SH3GL2: variants seen among roughly 807,000 people sequenced by gnomAD.
The protein encoded by SH3GL2 is endophilin-A1.
In SH3GL2, 24 loss-of-function variants were observed where a neutral mutation model predicts 46.0. The observed-to-expected ratio is 0.52, with a 90% CI of 0.38 to 0.73. The LOEUF is 0.73. Among genes scored for constraint, SH3GL2 ranks in the 30% least tolerant of loss-of-function variants. The pLI is 0.00. For synonymous variants in SH3GL2, 196 were observed against 147.1 expected (o/e 1.33, Z -2.40); for missense variants, 413 against 424.2 (o/e 0.97, Z 0.23).
At chr9:17,668,613 C>T (rs1056468297) in intron 1 of SH3GL2, among the ~76,000 whole-genome samples, 2 of 152,080 alleles carry the variant, frequency 1.3e-5, no homozygotes, top group Non-Finnish European at 2.9e-5. Flanking sequence ...CCTTATAATT[C>T]TGTCATTTTC....
chr9:17,729,111 A>G (rs540931084), intron 1 of SH3GL2, among the ~76,000 whole-genome samples: 5 of 152,294 alleles, frequency 3.3e-5, no homozygotes, highest in Middle Eastern at 3.4e-3. Flanking sequence ...TTGTTTCTCC[A>G]TATCCTCTCC....
chr9:17,661,460 A>G (rs563434826), intron 1 of SH3GL2, among the ~76,000 whole-genome samples: 24 of 152,322 alleles, frequency 1.6e-4, no homozygotes, highest in Non-Finnish European at 3.4e-4. Flanking sequence ...AAAAGTAAAG[A>G]TGAAGAAGGA....
At chr9:17,675,926 C>T (rs1219862400) in intron 1 of SH3GL2, among the ~76,000 whole-genome samples, 3 of 152,134 alleles carry the variant, frequency 2.0e-5, no homozygotes, top group Non-Finnish European at 4.4e-5. Context: ...GCCTGGGCGA[C>T]AGAGCGAGAC....
chr9:17,709,758 G>A (rs1200912990), intron 1 of SH3GL2, among the ~76,000 whole-genome samples: 1 of 150,462 alleles, frequency 6.6e-6, no homozygotes, highest in African/African-American at 2.5e-5. Flanking sequence ...GCTTATTTTA[G>A]AATATGGCAA....
chr9:17,791,153 T>G (rs1824115000), intron 6 of SH3GL2, 78 bp from the exon 7 acceptor site: 4 of 980,664 alleles, frequency 4.1e-6, no homozygotes, highest in Non-Finnish European at 6.6e-6. Context: ...GCAGCCCTGG[T>G]GTATGTATGA....
chr9:17,696,511 G>C (rs559993324), intron 1 of SH3GL2, among the ~76,000 whole-genome samples: 6 of 152,142 alleles, frequency 3.9e-5, no homozygotes, highest in Non-Finnish European at 8.8e-5. Flanking sequence ...TGGCTGGGGA[G>C]GTCTCAGGAA....
At chr9:17,687,890 G>C (rs1322343285) in intron 1 of SH3GL2, among the ~76,000 whole-genome samples, 1 of 152,030 alleles carries the variant, frequency 6.6e-6, no homozygotes, top group African/African-American at 2.4e-5. Context: ...ACCATGGCGA[G>C]GATTGCTGCC....
chr9:17,692,843 G>A (rs1821116494), intron 1 of SH3GL2, among the ~76,000 whole-genome samples: 1 of 152,120 alleles, frequency 6.6e-6, no homozygotes. Context: ...GAATCATGGT[G>A]GGAGGTAAAA....
At chr9:17,695,755 A>T (rs910446758) in intron 1 of SH3GL2, among the ~76,000 whole-genome samples, 1 of 150,776 alleles carries the variant, frequency 6.6e-6, no homozygotes, top group Middle Eastern at 3.2e-3. Context: ...GGCAGGAATA[A>T]GCACAGAAAA....
intron 1 of SH3GL2, among the ~76,000 whole-genome samples, chr9:17,692,954 T>A (rs1821119421): frequency 6.6e-6 from 1 of 152,040 alleles, no homozygotes; most frequent in Admixed American, 6.6e-5. Context: ...TTCACTATCA[T>A]GAGAATAGCA....
chr9:17,650,902 T>G (rs151073278), intron 1 of SH3GL2, among the ~76,000 whole-genome samples: 41 of 152,314 alleles, frequency 2.7e-4, no homozygotes, highest in African/African-American at 9.6e-4. Flanking sequence ...ATGTCCTTAA[T>G]GCTAGAACAA....
intron 1 of SH3GL2, among the ~76,000 whole-genome samples, chr9:17,660,277 C>T (rs895910771): frequency 2.0e-5 from 3 of 152,194 alleles, no homozygotes; most frequent in Admixed American, 2.0e-4. Context: ...ATCAGAAGAT[C>T]TGGCAGCCTT....
rs765863127 is a variant in SH3GL2, at chr9:17,786,417, C to T, written c.224C>T (p.Ser75Leu). ...AAGCTCAGCATGATCAACACCATGT[C>T]AAAAATCCGTGGCCAGGAGAAGGGG... ...RAKLSMINTM[S>L]KIRGQEKGPG... Residue 75 changes from serine to leucine, a missense_variant, in exon 4 of 9, where the codon TCA becomes TTA. Around this residue, in one of 3 missense-constraint regions of SH3GL2, gnomAD observed 160 missense variants for 192.3 expected, o/e 0.83. Transcript: ENST00000380607. 6.2e-7 allele frequency: 1 copy of T among 1,613,378 alleles called. No individual in the cohort carries two copies. Among genetic ancestry groups the T allele is most frequent in the Non-Finnish European group, 8.5e-7 (1 of 1,179,608 alleles).
rs118185716 is a variant in SH3GL2, at chr9:17,602,865, A to C, written c.45+23578A>C. Among the ~76,000 whole-genome samples, 70 of 152,344 alleles carry C rather than the reference A, an allele frequency of 4.6e-4. No individual in the cohort carries two copies. In the East Asian group the frequency reaches 0.013, roughly 28 times the overall value. ...AATCCTACAATTATTGTAGACATTGATGTGCTATCAAGAAAAATCCATCTT... is the reference window on the plus strand; with the variant it reads ...AATCCTACAATTATTGTAGACATTGCTGTGCTATCAAGAAAAATCCATCTT... On this transcript the variant is annotated intron_variant, in intron 1 of 8. Coordinates refer to ENST00000380607, the MANE Select transcript of SH3GL2 (RefSeq NM_003026.5).
intron 3 of SH3GL2, among the ~76,000 whole-genome samples, chr9:17,780,252 A>G (rs1266758091): frequency 6.6e-6 from 1 of 152,248 alleles, no homozygotes; most frequent in Non-Finnish European, 1.5e-5. Flanking sequence ...TACCTTTAAT[A>G]CTATACATTT....
Position 17,790,985 on chromosome 9 carries a change from T to G in SH3GL2, c.625-246T>G, listed in dbSNP as rs139282215. ...AGAGCTATATGGTCTTCCTGAGGGT[T>G]ACCCATGTTGCTTCTCCTCATGGTA... On this transcript the variant is annotated intron_variant, in intron 6 of 8. Transcript: ENST00000380607. Among the ~76,000 whole-genome samples, 231 of 152,294 alleles carry G rather than the reference T, an allele frequency of 1.5e-3. 3 individuals are homozygous for G. Among genetic ancestry groups the G allele is most frequent in the Admixed American group, 0.011 (166 of 15,294 alleles).
intron 2 of SH3GL2, among the ~76,000 whole-genome samples, chr9:17,753,649 C>T (rs1490385915): frequency 2.6e-5 from 4 of 152,192 alleles, no homozygotes; most frequent in African/African-American, 9.6e-5. Flanking sequence ...TTGGTAGTTT[C>T]TTTTGCTGTG....
intron 2 of SH3GL2, among the ~76,000 whole-genome samples, chr9:17,759,847 A>G (rs1284551750): frequency 6.6e-6 from 1 of 152,152 alleles, no homozygotes; most frequent in African/African-American, 2.4e-5. Context: ...ATTTAGACAC[A>G]TTTGTCATCT....
At chr9:17,598,417 T>C (rs1818612991) in intron 1 of SH3GL2, among the ~76,000 whole-genome samples, 2 of 152,218 alleles carry the variant, frequency 1.3e-5, no homozygotes, top group African/African-American at 2.4e-5. Flanking sequence ...TTACCAAAGA[T>C]CATAACTCTG....
Sources: gnomAD v4.1 joint callset for allele counts (sites outside exome capture counted in the v4.1 genomes callset) on GRCh38, gnomAD v4.1.1 for gene constraint, gnomAD v4.1.1 regional missense constraint, MANE v1.5 for transcripts, NCBI Gene and HGNC (gene_info 2026-07-23, HGNC 2026-07-21) for gene names.